The following DOCK2 variants were observed in gnomAD, a reference collection of about 807,000 sequenced individuals.
DOCK2 encodes the protein dedicator of cytokinesis protein 2.
Under a neutral mutation model 248.9 loss-of-function variants are expected in DOCK2, and 87 were observed. The ratio of observed to expected loss-of-function variants is 0.35; its 90% CI spans 0.29 to 0.42. DOCK2 has a LOEUF of 0.42. DOCK2 is among the 10% of genes least tolerant of loss of function. The pLI, the probability that DOCK2 is intolerant of heterozygous loss-of-function variation, is 1.00. For missense variants in DOCK2, 1,747 were observed against 2,300.2 expected (o/e 0.76, Z 4.92); for synonymous variants, 805 against 821.6 (o/e 0.98, Z 0.35).
chr5:169,850,548 T>TAA (rs11380663), intron 27 of DOCK2, among the ~76,000 whole-genome samples: 7 of 151,796 alleles, frequency 4.6e-5, no homozygotes, highest in South Asian at 2.1e-4. Context: ...AAGAAAATAG[T>TAA]AAAAAAAATT....
Position 169,692,473 on chromosome 5 carries a change from A to G in DOCK2, c.843+3140A>G, listed in dbSNP as rs79238891. ...CCAGAGAATATAATGTGAATATAGC[A>G]TTTGGCTATTTTTTACACTTTAAGA... On this transcript the variant is annotated intron_variant, in intron 9 of 51. Transcript: ENST00000520908. Among the ~76,000 whole-genome samples, 632 of 132,880 alleles carry G rather than the reference A, an allele frequency of 4.8e-3. 2 individuals are homozygous for G. The highest frequency in any genetic ancestry group is 7.5e-3 in the Non-Finnish European group (483 of 64,126). The allele number at this position is 132,880 out of a possible 152,430, so 87.2% of individuals were successfully genotyped here.
At position 169,684,325 on chromosome 5, in the gene DOCK2, G is replaced by A. The variant is rs139449745; in HGVS notation, c.736G>A (p.Asp246Asn). 4.3e-6 allele frequency: 7 copies of A among 1,613,982 alleles called. No homozygotes were observed. Among genetic ancestry groups the A allele is most frequent in the East Asian group, 2.2e-5 (1 of 44,896 alleles). Residue 246 changes from aspartate to asparagine, a missense_variant, in exon 8 of 52, where the codon GAC (aspartate) becomes AAC (asparagine). By Grantham distance (23) the Asp-to-Asn change is conservative. Coordinates refer to ENST00000520908, the MANE Select transcript of DOCK2 (RefSeq NM_004946.3). ...TGCTGAGCTCTTCATGTCTCTCTACGACCCCAACAAGCAAACGGTCATAAG... is the reference window on the plus strand; with the variant it reads ...TGCTGAGCTCTTCATGTCTCTCTACAACCCCAACAAGCAAACGGTCATAAG... ...EDAELFMSLY[D>N]PNKQTVISEN... is the part of the protein sequence containing the mutation.
At chr5:169,713,057 C>T (rs1159168563) in intron 17 of DOCK2, among the ~76,000 whole-genome samples, 2 of 152,232 alleles carry the variant, frequency 1.3e-5, no homozygotes, top group Non-Finnish European at 2.9e-5. Flanking sequence ...CAAACACAGC[C>T]TCGTCAAGGC....
intron 4 of DOCK2, among the ~76,000 whole-genome samples, 154 bp from the exon 5 acceptor site, chr5:169,670,924 T>C (rs1237493751): frequency 1.3e-5 from 2 of 152,170 alleles, no homozygotes; most frequent in Non-Finnish European, 2.9e-5. Context: ...TCCCTTGTAT[T>C]TGCATAATGT....
chr5:169,856,422 G>T (rs146114274), intron 27 of DOCK2, among the ~76,000 whole-genome samples: 47 of 152,230 alleles, frequency 3.1e-4, no homozygotes, highest in African/African-American at 1.0e-3. Flanking sequence ...AGTGAATACA[G>T]ACTGAGGTTC....
At chr5:170,036,769 C>T (rs1756337976) in intron 36 of DOCK2, among the ~76,000 whole-genome samples, 1 of 152,232 alleles carries the variant, frequency 6.6e-6, no homozygotes, top group Non-Finnish European at 1.5e-5. Context: ...GTCTGGCCTT[C>T]CATGCTGTCC....
intron 5 of DOCK2, among the ~76,000 whole-genome samples, 160 bp from the exon 6 acceptor site, chr5:169,674,137 C>T (rs1310878699): frequency 6.6e-6 from 1 of 152,202 alleles, no homozygotes; most frequent in Admixed American, 6.5e-5. Context: ...AATACATCAA[C>T]GACTAGGACC....
At chr5:169,940,449 C>T (rs964602701) in intron 27 of DOCK2, among the ~76,000 whole-genome samples, 8 of 152,296 alleles carry the variant, frequency 5.3e-5, no homozygotes, top group African/African-American at 1.7e-4. Flanking sequence ...AGGATTCAAG[C>T]ACATTACATT....
chr5:169,671,854 C>G (rs965132732), intron 5 of DOCK2, among the ~76,000 whole-genome samples: 19 of 152,076 alleles, frequency 1.2e-4, no homozygotes, highest in African/African-American at 4.6e-4. Context: ...ATGTTGACTC[C>G]CATGTGGACA....
In DOCK2 at chr5:170,005,067, T is replaced by TA. The variant is rs33958422; in HGVS notation, c.3073-3415dup. 3.2e-3 allele frequency among the ~76,000 whole-genome samples: 439 copies of TA among 137,960 alleles called. 3 individuals carry two copies. Among genetic ancestry groups the TA allele is most frequent in the African/African-American group, 9.1e-3 (355 of 39,026 alleles). The allele number at this position is 137,960 out of a possible 152,430, so 90.5% of individuals were successfully genotyped here. On this transcript the variant is annotated intron_variant, in intron 30 of 51. Coordinates refer to ENST00000520908, the MANE Select transcript of DOCK2 (RefSeq NM_004946.3). The stretch of plus-strand genomic sequence containing the variant: ...ATGTACCCTAAAACTTAAAGTATAA[T>TA]AAAAAAAAAAAAAAATGAAGTACTG...
intron 27 of DOCK2, among the ~76,000 whole-genome samples, chr5:169,942,354 G>T (rs1776275714): frequency 6.6e-6 from 1 of 152,164 alleles, no homozygotes; most frequent in Non-Finnish European, 1.5e-5. Flanking sequence ...AGGGAGACTG[G>T]GTAGGAGGAG....
At chr5:169,778,665 CA>C (rs1765523789) in intron 25 of DOCK2, among the ~76,000 whole-genome samples, 1 of 152,168 alleles carries the variant, frequency 6.6e-6, no homozygotes, top group Non-Finnish European at 1.5e-5. Flanking sequence ...TGCGTGTGTG[CA>C]TTAAAGAATT....
At chr5:169,972,478 A>G (rs1037683576) in intron 27 of DOCK2, among the ~76,000 whole-genome samples, 1 of 91,370 alleles carries the variant, frequency 1.1e-5, no homozygotes, top group Non-Finnish European at 2.0e-5. Context: ...TTTGACAATG[A>G]AAAATATTTC....
intron 12 of DOCK2, 136 bp from the exon 13 acceptor site, chr5:169,699,878 C>G (rs1300932710): frequency 7.8e-7 from 1 of 1,279,174 alleles, no homozygotes; most frequent in Non-Finnish European, 1.1e-6. Context: ...GCCCTGTGGG[C>G]TGGGTGGCTG....
At chr5:169,894,859 T>C (rs1383576432) in intron 27 of DOCK2, among the ~76,000 whole-genome samples, 1 of 152,074 alleles carries the variant, frequency 6.6e-6, no homozygotes, top group Non-Finnish European at 1.5e-5. Flanking sequence ...AAATCTCAAG[T>C]AACATTAAAA....
chr5:169,933,603 C>T (rs553314081), intron 27 of DOCK2, among the ~76,000 whole-genome samples: 1 of 152,306 alleles, frequency 6.6e-6, no homozygotes, highest in South Asian at 2.1e-4. Context: ...CCAGCTCCTT[C>T]CCTTTTCTTC....
chr5:170,010,388 A>G (rs971992026), intron 32 of DOCK2, among the ~76,000 whole-genome samples: 3 of 152,076 alleles, frequency 2.0e-5, no homozygotes, highest in South Asian at 2.1e-4. Flanking sequence ...TTGCTTTGCA[A>G]TGGTAGGGGA....
At chr5:169,829,044 G>A (rs1029310790) in intron 26 of DOCK2, among the ~76,000 whole-genome samples, 1 of 152,110 alleles carries the variant, frequency 6.6e-6, no homozygotes, top group African/African-American at 2.4e-5. Context: ...CTCTCATTCA[G>A]GGCTGATGAT....
At chr5:170,055,445 A>C in intron 42 of DOCK2, 59 bp downstream of exon 42, 1 of 1,504,816 alleles carries the variant, frequency 6.6e-7, no homozygotes, top group Non-Finnish European at 9.2e-7. Flanking sequence ...GGGGCCACCA[A>C]ACTGAGCTGG....
Sources: gnomAD v4.1 joint callset for allele counts (sites outside exome capture counted in the v4.1 genomes callset) on GRCh38, gnomAD v4.1.1 for gene constraint, MANE v1.5 for transcripts, NCBI Gene and HGNC (gene_info 2026-07-23, HGNC 2026-07-21) for gene names.